CEP192: variants seen among roughly 807,000 people sequenced by gnomAD.
CEP192 encodes the protein centrosomal protein of 192 kDa.
CEP192 carries 151 observed loss-of-function variants against 271.8 expected under a neutral mutation model. The observed-to-expected ratio is 0.56, with a 90% CI of 0.49 to 0.64. CEP192 has a LOEUF of 0.64. CEP192 is among the 30% of genes least tolerant of loss of function. CEP192 has a pLI of 0.00. For missense variants in CEP192, 2,910 were observed against 3,020.5 expected (o/e 0.96, Z 0.86); for synonymous variants, 995 against 1,076.5 (o/e 0.92, Z 1.48).
At chr18:12,995,215 C>T (rs552516538) in intron 1 of CEP192, among the ~76,000 whole-genome samples, 1 of 152,126 alleles carries the variant, frequency 6.6e-6, no homozygotes, top group South Asian at 2.1e-4. Flanking sequence ...GCGCCCGCCA[C>T]CTCGCCCGGC....
rs138129594 is a variant in CEP192, at chr18:13,096,306, G to C, written c.6556G>C (p.Glu2186Gln). 47 of 1,612,886 alleles carry C rather than the reference G, an allele frequency of 2.9e-5. No individual in the cohort carries two copies. In the African/African-American group the frequency reaches 4.8e-4, roughly 16 times the overall value. ...VTPQHGCVAP[E>Q]SKLQILVSPN... is the part of the protein sequence containing the mutation. ...GCCGCAGCATGGATGTGTCGCGCCAGAGTAAGTCTGACTTCTGTGTTGCTC... is the reference window on the plus strand; with the variant it reads ...GCCGCAGCATGGATGTGTCGCGCCACAGTAAGTCTGACTTCTGTGTTGCTC... The change falls in exon 36 of 45, where the codon GAG (glutamate) becomes CAG (glutamine). Residue 2186 changes from glutamate (E) to glutamine (Q), a missense_variant and splice_region_variant. Coordinates refer to ENST00000506447, the MANE Select transcript of CEP192 (RefSeq NM_032142.4).
At chr18:13,067,982 CCATTTACAGAATG>C in intron 22 of CEP192, 26 bp downstream of exon 22, 2 of 1,602,098 alleles carry the variant, frequency 1.2e-6, no homozygotes, top group Non-Finnish European at 1.7e-6. Flanking sequence ...CAGTAAGAAA[CCATTTACAGAATG>C]CACTGATCTT....
intron 40 of CEP192, among the ~76,000 whole-genome samples, chr18:13,111,372 G>C (rs1163827626): frequency 2.0e-5 from 3 of 152,144 alleles, no homozygotes; most frequent in Non-Finnish European, 4.4e-5. Context: ...TGATCCACCT[G>C]CCTTGGCCTC....
intron 33 of CEP192, among the ~76,000 whole-genome samples, chr18:13,091,327 T>C (rs1057402780): frequency 2.0e-5 from 3 of 152,218 alleles, no homozygotes; most frequent in Non-Finnish European, 2.9e-5. Flanking sequence ...AAGGTGGGGT[T>C]GAGCTAGGAC....
intron 21 of CEP192, among the ~76,000 whole-genome samples, chr18:13,061,115 G>C (rs1035342378): frequency 6.6e-6 from 1 of 152,158 alleles, no homozygotes; most frequent in Non-Finnish European, 1.5e-5. Flanking sequence ...CTGAGGTCAG[G>C]AGTTAGCAAC....
intron 2 of CEP192, 99 bp from the exon 3 acceptor site, chr18:13,001,358 C>A: frequency 2.7e-6 from 2 of 744,084 alleles, no homozygotes; most frequent in South Asian, 2.0e-5. Context: ...TGTTTTTACC[C>A]CGGTGGTTGG....
intron 11 of CEP192, 25 bp downstream of exon 11, chr18:13,030,633 T>G (rs972194092): frequency 5.2e-6 from 8 of 1,548,610 alleles, no homozygotes; most frequent in Middle Eastern, 1.8e-4. Context: ...AAACATTTAT[T>G]ATAACATTTT....
chr18:13,067,945 A>G lies in CEP192; in HGVS notation c.4603A>G (p.Ile1535Val). 1 of 1,609,138 alleles carries G rather than the reference A, an allele frequency of 6.2e-7. No individual in the cohort carries two copies. The highest frequency in any genetic ancestry group is 8.5e-7 in the Non-Finnish European group (1 of 1,175,688). The change falls in exon 22 of 45, where the codon ATT (isoleucine) becomes GTT (valine). Residue 1535 changes from isoleucine to valine, a missense_variant. Coordinates refer to ENST00000506447, the MANE Select transcript of CEP192 (RefSeq NM_032142.4). ...GCATGCCACTGTGCCAATTAGACTG[A>G]TTATTAATGCTGTAAGTATGAACAT... The part of the protein sequence containing the change: ...RTHATVPIRL[I>V]INANAVAWRC...
chr18:13,053,084 C>T lies in CEP192; in HGVS notation c.3183C>T (p.Asp1061=). The T allele has an allele frequency of 1.9e-6, 3 of 1,601,038 alleles. No homozygotes were observed. The highest frequency in any genetic ancestry group is 2.6e-6 in the Non-Finnish European group (3 of 1,173,946). The change falls in exon 18 of 45, where the codon GAC becomes GAT. Residue 1061 remains aspartate, a synonymous_variant. Transcript: ENST00000506447. ...PTTATDDALE[D]RKSDITSELS... ...CAGCCACAGATGATGCCCTGGAGGA[C>T]CGCAAGGTGGGCAGCCACTTGGATT... is the stretch of plus-strand genomic sequence containing the variant.
chr18:13,038,625 G>T, intron 13 of CEP192, 46 bp downstream of exon 13: 1 of 1,386,432 alleles, frequency 7.2e-7, no homozygotes, highest in Non-Finnish European at 1.0e-6. Flanking sequence ...CCAGATTTTA[G>T]ATTTTGAGTA....
chr18:13,068,740 T>C, intron 24 of CEP192, 112 bp from the exon 25 acceptor site: 1 of 1,069,206 alleles, frequency 9.4e-7, no homozygotes, highest in East Asian at 2.4e-5. Flanking sequence ...TTAAAAAATC[T>C]GCTTGCCTAA....
At chr18:13,046,132 G>GC (rs1461501970) in intron 15 of CEP192, among the ~76,000 whole-genome samples, 1 of 152,094 alleles carries the variant, frequency 6.6e-6, no homozygotes, top group Non-Finnish European at 1.5e-5. Flanking sequence ...CTTCTGGGGG[G>GC]GCCTCAGGAA....
chr18:13,007,371 G>T (rs1451770888), intron 3 of CEP192, among the ~76,000 whole-genome samples: 1 of 152,102 alleles, frequency 6.6e-6, no homozygotes, highest in African/African-American at 2.4e-5. Context: ...AGCATTTTTA[G>T]AGAGATGGTG....
chr18:13,051,236 G>T (rs2144032594), intron 17 of CEP192, among the ~76,000 whole-genome samples: 1 of 152,180 alleles, frequency 6.6e-6, no homozygotes, highest in Admixed American at 6.5e-5. Flanking sequence ...TTGCAGTTCA[G>T]TTTTCATTAT....
chr18:13,082,330 C>T (rs149542650), intron 30 of CEP192, among the ~76,000 whole-genome samples: 20,788 of 150,936 alleles, frequency 0.14, 1,537 homozygotes, highest in East Asian at 0.31. Context: ...TAGCTCTTCT[C>T]GTTGAATTGA....
chr18:13,103,536 G>T lies in CEP192; in HGVS notation c.6899G>T (p.Gly2300Val). 6.2e-7 allele frequency: 1 copy of T among 1,613,922 alleles called. No individual in the cohort carries two copies. Among genetic ancestry groups the T allele is most frequent in the Non-Finnish European group, 8.5e-7 (1 of 1,179,914 alleles). The change falls in exon 39 of 45, where the codon GGC (glycine) becomes GTC (valine). Residue 2300 changes from glycine (G) to valine (V), a missense_variant. By Grantham distance (109) the Gly-to-Val change is moderately radical. Transcript: ENST00000506447. ...SESCLELENH[G>V]TTDVKWHLSS... ...AGCTGTCTAGAACTCGAGAATCATG[G>T]CACCACAGACGTGAAATGGCATCTG...
intron 30 of CEP192, among the ~76,000 whole-genome samples, chr18:13,076,696 C>T (rs911526871): frequency 3.3e-5 from 5 of 152,154 alleles, no homozygotes; most frequent in African/African-American, 9.7e-5. Flanking sequence ...AAATTAGAAA[C>T]ATTTTTGCTG....
intron 9 of CEP192, 75 bp from the exon 10 acceptor site, chr18:13,029,588 A>G (rs1244424810): frequency 4.3e-6 from 4 of 921,348 alleles, no homozygotes; most frequent in Non-Finnish European, 6.4e-6. Flanking sequence ...AATTTTTCCC[A>G]TAAATTTTAA....
At chr18:13,110,922 C>G (rs1419335713) in intron 40 of CEP192, among the ~76,000 whole-genome samples, 2 of 152,160 alleles carry the variant, frequency 1.3e-5, no homozygotes, top group Admixed American at 6.5e-5. Flanking sequence ...CAAGGTTATC[C>G]CACCTTCTTC....
Sources: gnomAD v4.1 joint callset for allele counts (sites outside exome capture counted in the v4.1 genomes callset) on GRCh38, gnomAD v4.1.1 for gene constraint, MANE v1.5 for transcripts, NCBI Gene and HGNC (gene_info 2026-07-23, HGNC 2026-07-21) for gene names.